Variants in HIC1 observed in about 807,000 individuals in gnomAD.
The protein encoded by HIC1 is hypermethylated in cancer 1 protein.
In HIC1, 9 loss-of-function variants were observed where a neutral mutation model predicts 26.4. The ratio of observed to expected loss-of-function variants is 0.34; its 90% CI spans 0.21 to 0.59. The LOEUF is 0.59. Among genes scored for constraint, HIC1 ranks in the 20% least tolerant of loss-of-function variants. The pLI is 0.82. For synonymous variants in HIC1, 631 were observed against 523.1 expected, an observed-to-expected ratio of 1.21 and a Z score of -2.81; for missense variants, 965 against 1,075.7, an observed-to-expected ratio of 0.90 and a Z score of 1.44.
rs1197326041 is a variant in HIC1, at chr17:2,061,629, G to C, written c.*2794G>C. 1 of 1,567,182 alleles carries C rather than the reference G, an allele frequency of 6.4e-7. No homozygotes were observed. Among genetic ancestry groups the C allele is most frequent in the Non-Finnish European group, 8.7e-7 (1 of 1,155,934 alleles). The stretch of plus-strand genomic sequence containing the variant: ...AGTAGCCGGATTGGCTCCTCTGTGG[G>C]CATGAGAGAGCAGAAGGCTGTCACT... On this transcript the variant is annotated 3_prime_UTR_variant, in exon 2 of 2. Transcript: ENST00000619757.
rs962431013 is a variant in HIC1 at position 2,059,204 on chromosome 17, G to A, written c.*369G>A. ...TCGGGGCACTCCTAGCCCTACCTCC[G>A]GCCCTTGCGACCACACCCATTCTCA... On this transcript the variant is annotated 3_prime_UTR_variant, in exon 2 of 2. Coordinates refer to ENST00000619757, the MANE Select transcript of HIC1 (RefSeq NM_006497.4). The A allele has an allele frequency of 2.7e-5, 6 of 221,434 alleles. No homozygotes were observed. Among genetic ancestry groups the A allele is most frequent in the African/African-American group, 1.2e-4 (5 of 43,448 alleles). The allele number at this position is 221,434 out of a possible 1,614,324, so 13.7% of individuals were successfully genotyped here.
chr17:2,057,874 G>A lies in HIC1; in HGVS notation c.1184G>A (p.Gly395Asp), dbSNP rs748045093. The change falls in exon 2 of 2, where the codon GGC becomes GAC. Residue 395 changes from glycine to aspartate, a missense_variant. Physicochemically the swap from Gly to Asp is moderately conservative, Grantham distance 94 (BLOSUM62 -1). Around this residue, in one of 6 missense-constraint regions of HIC1, gnomAD observed 526 missense variants for 525.0 expected, o/e 1.00. Coordinates refer to ENST00000619757, the MANE Select transcript of HIC1 (RefSeq NM_006497.4). Reference sequence around the variant, plus strand: ...AGCGAGGACCCCAGCCCGCCTGGCGGCCACCTCGAGGGCTACCCATGCCCG... The same window carrying A: ...AGCGAGGACCCCAGCCCGCCTGGCGACCACCTCGAGGGCTACCCATGCCCG... ...GSSEDPSPPGGHLEGYPCPHL... is the reference protein window; with the variant it reads ...GSSEDPSPPGDHLEGYPCPHL... 2 of 1,597,096 alleles carry A rather than the reference G, an allele frequency of 1.3e-6. No individual in the cohort carries two copies. The highest frequency in any genetic ancestry group is 2.3e-5 in the East Asian group (1 of 44,274).
chr17:2,057,210 G>C lies in HIC1; in HGVS notation c.520G>C (p.Val174Leu). Residue 174 changes from valine to leucine, a missense_variant, in exon 2 of 2, where the codon GTC (valine) becomes CTC (leucine). Physicochemically the swap from Val to Leu is conservative, Grantham distance 32. Coordinates refer to ENST00000619757, the MANE Select transcript of HIC1 (RefSeq NM_006497.4). Reference protein sequence around the residue: ...PVIQACYPSPVGPPPPPAAEP... With the variant: ...PVIQACYPSPLGPPPPPAAEP... ...CATCCAGGCCTGCTACCCGTCCCCA[G>C]TCGGGCCTCCGCCGCCGCCTGCCGC... 1 of 1,393,062 alleles carries C rather than the reference G, an allele frequency of 7.2e-7. No individual in the cohort carries two copies. The highest frequency in any genetic ancestry group is 1.5e-5 in the South Asian group (1 of 67,188). The allele number at this position is 1,393,062 out of a possible 1,614,324, so 86.3% of individuals were successfully genotyped here. A position where few individuals can be genotyped will look rare whatever the true frequency, so the allele number is the denominator to read the frequency against.
Position 2,058,523 on chromosome 17 carries a change from G to A in HIC1, c.1833G>A (p.Gly611=). 1.3e-6 allele frequency: 2 copies of A among 1,494,796 alleles called. No individual in the cohort carries two copies. Among genetic ancestry groups the A allele is most frequent in the South Asian group, 1.3e-5 (1 of 76,766 alleles). 92.6% of individuals were successfully genotyped at this position (1,494,796 alleles called of 1,614,324 possible). A position where few individuals can be genotyped will look rare whatever the true frequency, so the allele number is the denominator to read the frequency against. Residue 611 remains glycine (G), a synonymous_variant, in exon 2 of 2, where the codon GGG becomes GGA. Coordinates refer to ENST00000619757, the MANE Select transcript of HIC1 (RefSeq NM_006497.4). ...CCGGGGCGCTGGCGGGCTTGGGGGG[G>A]CTCCCCGGCGTCCCCGGCCCCGACG... ...GAAGALAGLG[G]LPGVPGPDGK...
At chr17:2,056,135 C>A in intron 1 of HIC1, 1 of 353,690 alleles carries the variant, frequency 2.8e-6, no homozygotes, top group Non-Finnish European at 5.0e-6. Context: ...CCCGCGCGGC[C>A]GCCGCCCGGG....
rs553582599 is a variant in HIC1 at position 2,060,094 on chromosome 17, C to G, written c.*1259C>G. 1 of 153,060 alleles carries G rather than the reference C, an allele frequency of 6.5e-6. No individual in the cohort carries two copies. Among genetic ancestry groups the G allele is most frequent in the South Asian group, 2.1e-4 (1 of 4,840 alleles). The allele number at this position is 153,060 out of a possible 1,614,324, so 9.5% of individuals were successfully genotyped here. On this transcript the variant is annotated 3_prime_UTR_variant, in exon 2 of 2. Coordinates refer to ENST00000619757, the MANE Select transcript of HIC1 (RefSeq NM_006497.4). The stretch of plus-strand genomic sequence containing the variant: ...CCATCGCTTCTGGCATAGTCCTGGG[C>G]CTCAGGGAGGGCAGAGCTGCGCACC...
Position 2,061,661 on chromosome 17 carries a change from A to G in HIC1, c.*2826A>G. ...AGAGCAGAAGGCTGTCACTGAGGAC[A>G]GGAGGCAGAGGGCTGGCTGCTCTTC... On this transcript the variant is annotated 3_prime_UTR_variant, in exon 2 of 2. Coordinates refer to ENST00000619757, the MANE Select transcript of HIC1 (RefSeq NM_006497.4). 1 of 1,551,922 alleles carries G rather than the reference A, an allele frequency of 6.4e-7. No homozygotes were observed. Among genetic ancestry groups the G allele is most frequent in the Non-Finnish European group, 8.7e-7 (1 of 1,147,236 alleles).
chr17:2,058,534 T>TCCCCGG lies in HIC1; in HGVS notation c.1850_1855dup (p.Gly617_Pro618dup). The TCCCCGG allele has an allele frequency of 7.3e-6, 11 of 1,504,108 alleles. No individual in the cohort carries two copies. The highest frequency in any genetic ancestry group is 8.8e-6 in the Non-Finnish European group (10 of 1,132,192). The allele number at this position is 1,504,108 out of a possible 1,614,324, so 93.2% of individuals were successfully genotyped here. A position where few individuals can be genotyped will look rare whatever the true frequency, so the allele number is the denominator to read the frequency against. ...GCGGGCTTGGGGGGGCTCCCCGGCG[T>TCCCCGG]CCCCGGCCCCGACGGCAAGGGCAAG... is the stretch of plus-strand genomic sequence containing the variant. On this transcript the variant is annotated inframe_insertion, in exon 2 of 2. Coordinates refer to ENST00000619757, the MANE Select transcript of HIC1 (RefSeq NM_006497.4).
rs2151367786 is a variant in HIC1, at chr17:2,055,864, C to T, written c.-21+626C>T. Among the ~76,000 whole-genome samples the T allele has an allele frequency of 6.6e-6, 1 of 151,026 alleles. No individual in the cohort carries two copies. The highest frequency in any genetic ancestry group is 2.0e-4 in the East Asian group (1 of 5,090). ...GGGGGAGAAGGGGCCGGGGGAGCCG[C>T]GGAGGGAGGCGCCGGGCCCGCGCGT... On this transcript the variant is annotated intron_variant, in intron 1 of 1. Coordinates refer to ENST00000619757, the MANE Select transcript of HIC1 (RefSeq NM_006497.4). The surrounding 1 kb of genome is among the most constrained non-coding windows in gnomAD (Gnocchi z 6.4).
chr17:2,061,658 G>C lies in HIC1; in HGVS notation c.*2823G>C. ...GAGAGAGCAGAAGGCTGTCACTGAG[G>C]ACAGGAGGCAGAGGGCTGGCTGCTC... On this transcript the variant is annotated 3_prime_UTR_variant, in exon 2 of 2. Coordinates refer to ENST00000619757, the MANE Select transcript of HIC1 (RefSeq NM_006497.4). 6.4e-7 allele frequency: 1 copy of C among 1,555,408 alleles called. No homozygotes were observed. The highest frequency in any genetic ancestry group is 8.7e-7 in the Non-Finnish European group (1 of 1,149,380).
In HIC1 at chr17:2,059,194, C is replaced by T. The variant is rs1015664370; in HGVS notation, c.*359C>T. On this transcript the variant is annotated 3_prime_UTR_variant, in exon 2 of 2. Transcript: ENST00000619757. ...GGTGTCACTGTCGGGGCACTCCTAG[C>T]CCTACCTCCGGCCCTTGCGACCACA... The T allele has an allele frequency of 4.2e-6, 1 of 236,524 alleles. No individual in the cohort carries two copies. Among genetic ancestry groups the T allele is most frequent in the Non-Finnish European group, 8.8e-6 (1 of 113,786 alleles). The allele number at this position is 236,524 out of a possible 1,614,324, so 14.7% of individuals were successfully genotyped here. A position where few individuals can be genotyped will look rare whatever the true frequency, so the allele number is the denominator to read the frequency against.
chr17:2,057,087 C>T lies in HIC1; in HGVS notation c.397C>T (p.His133Tyr). Residue 133 changes from histidine to tyrosine, a missense_variant, in exon 2 of 2, where the codon CAC (histidine) becomes TAC (tyrosine). Coordinates refer to ENST00000619757, the MANE Select transcript of HIC1 (RefSeq NM_006497.4). ...GCTGTGCAAGAAACGCCTCAAGCGCCACGGCAAGTACTGCCACCTGCGGGG... is the reference window on the plus strand; with the variant it reads ...GCTGTGCAAGAAACGCCTCAAGCGCTACGGCAAGTACTGCCACCTGCGGGG... ...VALCKKRLKR[H>Y]GKYCHLRGGG... 2 of 1,399,136 alleles carry T rather than the reference C, an allele frequency of 1.4e-6. No individual in the cohort carries two copies. The highest frequency in any genetic ancestry group is 1.8e-6 in the Non-Finnish European group (2 of 1,084,230). The allele number at this position is 1,399,136 out of a possible 1,614,324, so 86.7% of individuals were successfully genotyped here. A position where few individuals can be genotyped will look rare whatever the true frequency, so the allele number is the denominator to read the frequency against.
Position 2,058,672 on chromosome 17 carries a change from T to G in HIC1, c.1982T>G (p.Phe661Cys), listed in dbSNP as rs756712980. 5.1e-6 allele frequency: 8 copies of G among 1,560,020 alleles called. No individual in the cohort carries two copies. The South Asian group carries it at 8.2e-5, about 16-fold the overall frequency. Residue 661 changes from phenylalanine to cysteine, a missense_variant, in exon 2 of 2, where the codon TTC becomes TGC. Around this residue, in one of 6 missense-constraint regions of HIC1, gnomAD observed 210 missense variants for 179.2 expected, o/e 1.17. Transcript: ENST00000619757. ...AAELLAQTTH[F>C]LHDPKVALES... Reference sequence around the variant, plus strand: ...GAGCTGCTGGCGCAGACCACGCACTTCCTGCACGACCCCAAGGTGGCGCTG... The same window carrying G: ...GAGCTGCTGGCGCAGACCACGCACTGCCTGCACGACCCCAAGGTGGCGCTG...
chr17:2,062,002 C>CTTTT lies in HIC1; in HGVS notation c.*3176_*3179dup. The CTTTT allele has an allele frequency of 6.5e-6, 1 of 153,268 alleles. No individual in the cohort carries two copies. Among genetic ancestry groups the CTTTT allele is most frequent in the East Asian group, 1.9e-4 (1 of 5,228 alleles). The allele number at this position is 153,268 out of a possible 1,614,324, so 9.5% of individuals were successfully genotyped here. On this transcript the variant is annotated 3_prime_UTR_variant, in exon 2 of 2. Coordinates refer to ENST00000619757, the MANE Select transcript of HIC1 (RefSeq NM_006497.4). ...ACAACACCGCTCTCCCCACACCCCA[C>CTTTT]TTTTTTTTTTTTAACAAGTCCTCTC...
chr17:2,061,473 G>GC lies in HIC1; in HGVS notation c.*2638_*2639insC, dbSNP rs932843791. 6.4e-7 allele frequency: 1 copy of GC among 1,565,922 alleles called. No individual in the cohort carries two copies. Among genetic ancestry groups the GC allele is most frequent in the Non-Finnish European group, 8.6e-7 (1 of 1,157,358 alleles). On this transcript the variant is annotated 3_prime_UTR_variant, in exon 2 of 2. Transcript: ENST00000619757. ...TTTCAGGAACGGTTCCACGGGGGGGGGGCCCCAGTGTGGCTCCCTCAGCCC... is the reference window on the plus strand; with the variant it reads ...TTTCAGGAACGGTTCCACGGGGGGGGCGGCCCCAGTGTGGCTCCCTCAGCCC...
rs1243562233 is a variant in HIC1, at chr17:2,058,625, G to T, written c.1935G>T (p.Gln645His). 9 of 1,563,450 alleles carry T rather than the reference G, an allele frequency of 5.8e-6. No individual in the cohort carries two copies. Among genetic ancestry groups the T allele is most frequent in the Non-Finnish European group, 6.9e-6 (8 of 1,161,970 alleles). ...CGGCCGAGCAGCTGAGCCTGAAGCAGCAGGACAAGGCGGCCGCGGCCGAGC... is the reference window on the plus strand; with the variant it reads ...CGGCCGAGCAGCTGAGCCTGAAGCATCAGGACAAGGCGGCCGCGGCCGAGC... ...RLTAEQLSLKQQDKAAAAELL... is the reference protein window; with the variant it reads ...RLTAEQLSLKHQDKAAAAELL... The change falls in exon 2 of 2, where the codon CAG (glutamine) becomes CAT (histidine). Residue 645 changes from glutamine to histidine, a missense_variant. Physicochemically the swap from Gln to His is conservative, Grantham distance 24. Around this residue, in one of 6 missense-constraint regions of HIC1, gnomAD observed 210 missense variants for 179.2 expected, o/e 1.17. Coordinates refer to ENST00000619757, the MANE Select transcript of HIC1 (RefSeq NM_006497.4).
At chr17:2,056,309 A>C (rs2151368276) in intron 1 of HIC1, 1 of 1,613,152 alleles carries the variant, frequency 6.2e-7, no homozygotes, top group East Asian at 2.2e-5. Context: ...CTCCGCCCTG[A>C]ATGACTTTTC....
Position 2,061,475 on chromosome 17 carries a change from GCC to G in HIC1, c.*2643_*2644del, listed in dbSNP as rs757197344. The G allele has an allele frequency of 1.7e-5, 26 of 1,565,194 alleles. No individual in the cohort carries two copies. In the Admixed American group the frequency reaches 4.7e-4, roughly 28 times the overall value. ...TCAGGAACGGTTCCACGGGGGGGGG[GCC>G]CCAGTGTGGCTCCCTCAGCCCACCT... is the stretch of plus-strand genomic sequence containing the variant. On this transcript the variant is annotated 3_prime_UTR_variant, in exon 2 of 2. Transcript: ENST00000619757.
chr17:2,057,987 C>G lies in HIC1; in HGVS notation c.1297C>G (p.Leu433Val). The change falls in exon 2 of 2, where the codon CTG becomes GTG. Residue 433 changes from leucine to valine, a missense_variant. This residue lies in a region of HIC1 where 15 missense variants were observed against 36.2 expected (regional missense o/e 0.41). Transcript: ENST00000619757. ...CAAGGGCTTCCCCAGCTCTGAGCAGCTGAACGCGCACGTGGAGGCTCACGT... is the reference window on the plus strand; with the variant it reads ...CAAGGGCTTCCCCAGCTCTGAGCAGGTGAACGCGCACGTGGAGGCTCACGT... ...CGKGFPSSEQ[L>V]NAHVEAHVEE... 1 of 1,609,046 alleles carries G rather than the reference C, an allele frequency of 6.2e-7. No homozygotes were observed. Among genetic ancestry groups the G allele is most frequent in the Non-Finnish European group, 8.5e-7 (1 of 1,178,246 alleles).
Sources: allele counts gnomAD v4.1 joint callset (sites outside exome capture counted in the v4.1 genomes callset), GRCh38; gene constraint gnomAD v4.1.1; regional missense constraint gnomAD v4.1.1; non-coding constraint Gnocchi (gnomAD v3.1); transcripts MANE v1.5; gene names NCBI Gene and HGNC (gene_info 2026-07-23, HGNC 2026-07-21).